WDR4: variants seen among roughly 807,000 people sequenced by gnomAD.
WDR4 encodes WDR4 tRNA N7-guanosine methyltransferase non-catalytic subunit.
In WDR4, 47 loss-of-function variants were observed where a neutral mutation model predicts 48.6. The observed-to-expected ratio is 0.97, with a 90% CI of 0.77 to 1.23. The LOEUF is 1.23. Among genes scored for constraint, WDR4 ranks in the 50% most tolerant of loss-of-function variants. WDR4 has a pLI of 0.00. For missense variants in WDR4, 606 were observed against 551.6 expected, an observed-to-expected ratio of 1.10 and a Z score of -0.99; for synonymous variants, 268 against 230.0, an observed-to-expected ratio of 1.17 and a Z score of -1.49.
chr21:42,867,001 C>G (rs1803238179), intron 3 of WDR4, among the ~76,000 whole-genome samples: 1 of 152,204 alleles, frequency 6.6e-6, no homozygotes, highest in South Asian at 2.1e-4. Flanking sequence ...ATTTTGTAAT[C>G]TGCTGCCTGG....
intron 5 of WDR4, 132 bp from the exon 6 acceptor site, chr21:42,859,854 C>G: frequency 1.1e-6 from 1 of 915,838 alleles, no homozygotes; most frequent in Non-Finnish European, 1.7e-6. Flanking sequence ...ATAAAAACAG[C>G]CAACATGGGA....
rs765848664 is a variant in WDR4 at position 42,858,439 on chromosome 21, G to A, written c.627+1223C>T. On this transcript the variant is annotated intron_variant, in intron 6 of 10. Coordinates refer to ENST00000398208, the MANE Select transcript of WDR4 (RefSeq NM_018669.6). ...GAGCACACTGTGCAAGGCCTCCCAA[G>A]CTCCGAGGGAAACCGTTTCAACCAG... Among the ~76,000 whole-genome samples the A allele has an allele frequency of 4.0e-4, 61 of 152,344 alleles. No homozygotes were observed. In the Middle Eastern group the frequency reaches 0.01, roughly 25 times the overall value.
At chr21:42,859,497 C>T (rs1412532213) in intron 6 of WDR4, among the ~76,000 whole-genome samples, 165 bp downstream of exon 6, 2 of 152,062 alleles carry the variant, frequency 1.3e-5, no homozygotes, top group African/African-American at 2.4e-5. Flanking sequence ...CCTGAGTGAG[C>T]GGCCGCAGGC....
intron 2 of WDR4, among the ~76,000 whole-genome samples, chr21:42,875,650 G>C (rs950494200): frequency 4.6e-5 from 7 of 152,100 alleles, no homozygotes; most frequent in African/African-American, 7.2e-5. Context: ...GAGGCTGCAG[G>C]GAGTTATGTT....
chr21:42,847,971 GGACAGT>G (rs1217270796), downstream of WDR4, among the ~76,000 whole-genome samples: 1 of 152,220 alleles, frequency 6.6e-6, no homozygotes, highest in African/African-American at 2.4e-5. Context: ...TGCTTGTACA[GGACAGT>G]GGCCCAGCAT....
At chr21:42,865,032 G>A (rs1209565077) in intron 3 of WDR4, among the ~76,000 whole-genome samples, 2 of 152,144 alleles carry the variant, frequency 1.3e-5, no homozygotes. Flanking sequence ...CTTCAGGAAC[G>A]CTGTCCTCAA....
intron 6 of WDR4, among the ~76,000 whole-genome samples, chr21:42,858,033 A>G (rs566635346): frequency 6.6e-6 from 1 of 152,294 alleles, no homozygotes; most frequent in African/African-American, 2.4e-5. Flanking sequence ...CAGAGGCTGC[A>G]GTGAACCGAG....
Position 42,863,595 on chromosome 21 carries a change from T to A in WDR4, c.298A>T (p.Thr100Ser), listed in dbSNP as rs1390931134. The A allele has an allele frequency of 6.2e-7, 1 of 1,611,596 alleles. No homozygotes were observed. The highest frequency in any genetic ancestry group is 8.5e-7 in the Non-Finnish European group (1 of 1,178,764). Residue 100 changes from threonine (T) to serine (S), a missense_variant and splice_region_variant, in exon 4 of 11, where the codon ACC becomes TCC. Coordinates refer to ENST00000398208, the MANE Select transcript of WDR4 (RefSeq NM_018669.6). Reference sequence around the variant, plus strand: ...AGGGCTGTACACCTCCTTGCCACGGTCCTAGAAGGCCAGAAAGACACCCCC... The same window carrying A: ...AGGGCTGTACACCTCCTTGCCACGGACCTAGAAGGCCAGAAAGACACCCCC... ...TKPWQCLSVR[T>S]VARRCTALTF... is the part of the protein sequence containing the mutation.
At chr21:42,847,545 G>C (rs775766425), downstream of WDR4, among the ~76,000 whole-genome samples, 1 of 152,216 alleles carries the variant, frequency 6.6e-6, no homozygotes, top group African/African-American at 2.4e-5. Flanking sequence ...GTAGCCCCGC[G>C]GTCCTGGTGG....
intron 7 of WDR4, among the ~76,000 whole-genome samples, chr21:42,855,195 A>T (rs8132137): frequency 6.0e-4 from 91 of 152,282 alleles, no homozygotes; most frequent in African/African-American, 2.1e-3. Context: ...GTGAAGCATG[A>T]AGGAAAAGGC....
At chr21:42,851,434 A>C (rs2057824689) in intron 10 of WDR4, among the ~76,000 whole-genome samples, 1 of 152,194 alleles carries the variant, frequency 6.6e-6, no homozygotes, top group Non-Finnish European at 1.5e-5. Context: ...AATCAGCGGA[A>C]ACTCCTCCGA....
In WDR4 at chr21:42,863,435, C is replaced by T; in HGVS notation, c.453+5G>A. The T allele has an allele frequency of 6.2e-7, 1 of 1,607,672 alleles. No individual in the cohort carries two copies. Among genetic ancestry groups the T allele is most frequent in the Non-Finnish European group, 8.5e-7 (1 of 1,175,750 alleles). Reference sequence around the variant, plus strand: ...TGTCCCCCACCTACCACGTCCCCCACCTACCACATCTAACAGCATAGACAG... The same window carrying T: ...TGTCCCCCACCTACCACGTCCCCCATCTACCACATCTAACAGCATAGACAG... On this transcript the variant is annotated splice_donor_5th_base_variant and intron_variant, in intron 4 of 10. Coordinates refer to ENST00000398208, the MANE Select transcript of WDR4 (RefSeq NM_018669.6).
chr21:42,874,153 A>G (rs2058435135), intron 2 of WDR4, among the ~76,000 whole-genome samples: 2 of 152,240 alleles, frequency 1.3e-5, no homozygotes, highest in African/African-American at 2.4e-5. Context: ...TGAAGATTTC[A>G]TGGACATTTA....
rs551407426 is a variant in WDR4, at chr21:42,869,322, C to G, written c.296+4229G>C. ...CTCCCAACTTCTACAACCCCACTCA[C>G]CATAGCTGAACGGGAACCCACACAC... On this transcript the variant is annotated intron_variant, in intron 3 of 10. Transcript: ENST00000398208. Among the ~76,000 whole-genome samples, 3 of 152,358 alleles carry G rather than the reference C, an allele frequency of 2.0e-5. No individual in the cohort carries two copies. The South Asian group carries it at 6.2e-4, about 32-fold the overall frequency.
intron 2 of WDR4, among the ~76,000 whole-genome samples, chr21:42,875,277 C>T (rs1229660142): frequency 1.2e-4 from 18 of 152,148 alleles, no homozygotes; most frequent in Middle Eastern, 3.4e-3. Flanking sequence ...GCAGCCCTGG[C>T]GCGGTGCCTC....
chr21:42,871,396 A>G (rs1428637895), intron 3 of WDR4, among the ~76,000 whole-genome samples: 1 of 152,238 alleles, frequency 6.6e-6, no homozygotes, highest in Non-Finnish European at 1.5e-5. Flanking sequence ...AGGCCAACCT[A>G]CTAGAAAGCC....
At chr21:42,875,490 G>C (rs540167911) in intron 2 of WDR4, among the ~76,000 whole-genome samples, 37 of 152,320 alleles carry the variant, frequency 2.4e-4, no homozygotes, top group African/African-American at 8.7e-4. Flanking sequence ...GGGAGGTGGA[G>C]GTTGCAGTGA....
chr21:42,862,276 A>G lies in WDR4; in HGVS notation c.566+6T>C, dbSNP rs2058135155. On this transcript the variant is annotated splice_donor_region_variant and intron_variant, in intron 5 of 10. Transcript: ENST00000398208. The surrounding 1 kb of genome is among the most constrained non-coding windows in gnomAD (Gnocchi z 4.3). Reference sequence around the variant, plus strand: ...TTCTGCTGGAGGGGCAGGAAGGGGCACTCACTCTGTGTGCCCCAAGCAGAA... The same window carrying G: ...TTCTGCTGGAGGGGCAGGAAGGGGCGCTCACTCTGTGTGCCCCAAGCAGAA... 6.2e-7 allele frequency: 1 copy of G among 1,600,658 alleles called. No homozygotes were observed. The highest frequency in any genetic ancestry group is 8.5e-7 in the Non-Finnish European group (1 of 1,174,192).
downstream of WDR4, among the ~76,000 whole-genome samples, chr21:42,846,687 T>A (rs565653520): frequency 6.6e-6 from 1 of 152,276 alleles, no homozygotes; most frequent in African/African-American, 2.4e-5. Context: ...CACTTCAGCC[T>A]GGGTGACAGA....
Sources: allele counts gnomAD v4.1 joint callset (sites outside exome capture counted in the v4.1 genomes callset), GRCh38; gene constraint gnomAD v4.1.1; non-coding constraint Gnocchi (gnomAD v3.1); transcripts MANE v1.5; gene names NCBI Gene and HGNC (gene_info 2026-07-23, HGNC 2026-07-21).